Variants in TNIK observed in about 807,000 individuals in gnomAD.
TNIK encodes the protein TRAF2 and NCK interacting kinase, also known as TRAF2 and NCK-interacting protein kinase.
Under a neutral mutation model 191.3 loss-of-function variants are expected in TNIK, and 49 were observed. The observed-to-expected ratio is 0.26, with a 90% CI of 0.20 to 0.32. The LOEUF is 0.32. TNIK is among the 10% of genes least tolerant of loss of function. The pLI, the probability that TNIK is intolerant of heterozygous loss-of-function variation, is 1.00. For missense variants in TNIK, 1,155 were observed against 1,702.3 expected (o/e 0.68, Z 5.66); for synonymous variants, 594 against 600.9 (o/e 0.99, Z 0.17).
At chr3:171,067,672 CAAA>C (rs750331814) in intron 30 of TNIK, among the ~76,000 whole-genome samples, 105 of 78,700 alleles carry the variant, frequency 1.3e-3, no homozygotes, top group African/African-American at 3.3e-3. Context: ...ACTCCGTATC[CAAA>C]AAAAAAAAAA....
intron 2 of TNIK, among the ~76,000 whole-genome samples, chr3:171,311,666 G>A (rs939851033): frequency 1.3e-5 from 2 of 152,130 alleles, no homozygotes; most frequent in Admixed American, 6.5e-5. Context: ...CATGTCACCT[G>A]AGCCCAACTA....
intron 3 of TNIK, among the ~76,000 whole-genome samples, chr3:171,218,607 A>G (rs1741759410): frequency 6.6e-6 from 1 of 150,814 alleles, no homozygotes; most frequent in South Asian, 2.1e-4. Context: ...TGGGAAAAAT[A>G]ACTAGCAAGT....
chr3:171,138,154 C>A, intron 15 of TNIK, 37 bp downstream of exon 15: 2 of 1,510,378 alleles, frequency 1.3e-6, no homozygotes, highest in South Asian at 1.4e-5. Context: ...GAGTCAAAAG[C>A]CTGGCCAACA....
intron 2 of TNIK, among the ~76,000 whole-genome samples, chr3:171,321,670 C>A (rs1755176141): frequency 6.6e-6 from 1 of 152,056 alleles, no homozygotes; most frequent in South Asian, 2.1e-4. Context: ...AGGAAAACAG[C>A]CTATTATGTT....
chr3:171,425,200 T>A (rs533101451), intron 1 of TNIK, among the ~76,000 whole-genome samples: 164 of 152,268 alleles, frequency 1.1e-3, no homozygotes, highest in African/African-American at 3.9e-3. Flanking sequence ...TGTCCAAATA[T>A]CAAAAGCCAC....
At chr3:171,197,293 A>G (rs987796708) in intron 4 of TNIK, among the ~76,000 whole-genome samples, 1 of 152,190 alleles carries the variant, frequency 6.6e-6, no homozygotes, top group African/African-American at 2.4e-5. Context: ...TAACACTATC[A>G]AACTTTCAGG....
intron 12 of TNIK, among the ~76,000 whole-genome samples, chr3:171,151,169 AG>A: frequency 6.6e-6 from 1 of 152,366 alleles, no homozygotes; most frequent in Non-Finnish European, 1.5e-5. Flanking sequence ...AATTTGCCAA[AG>A]ACCACACAGC....
chr3:171,167,067 G>T, intron 10 of TNIK, 28 bp downstream of exon 10: 1 of 1,598,930 alleles, frequency 6.3e-7, no homozygotes, highest in Non-Finnish European at 8.5e-7. Context: ...TTTTGTTTCT[G>T]CTGCTGAAAT....
chr3:171,170,131 T>C (rs1318918415), intron 9 of TNIK, among the ~76,000 whole-genome samples: 1 of 152,242 alleles, frequency 6.6e-6, no homozygotes, highest in East Asian at 1.9e-4. Flanking sequence ...TCTCTGCTGA[T>C]AGTAATGTAG....
chr3:171,167,429 G>C (rs1734746549), intron 9 of TNIK, among the ~76,000 whole-genome samples, 159 bp from the exon 10 acceptor site: 1 of 152,186 alleles, frequency 6.6e-6, no homozygotes, highest in Non-Finnish European at 1.5e-5. Context: ...ACTATATTAG[G>C]CATAATGGGT....
chr3:171,401,799 C>T (rs1384574821), intron 1 of TNIK, among the ~76,000 whole-genome samples: 1 of 152,138 alleles, frequency 6.6e-6, no homozygotes, highest in African/African-American at 2.4e-5. Flanking sequence ...TAATATCAAC[C>T]TCATAGGGCT....
intron 1 of TNIK, among the ~76,000 whole-genome samples, chr3:171,415,647 AC>A (rs1722949758): frequency 6.6e-6 from 1 of 152,274 alleles, no homozygotes; most frequent in Middle Eastern, 3.4e-3. Context: ...AACAACTGTT[AC>A]AATAGTTACA....
chr3:171,077,996 G>C (rs1720206738), intron 28 of TNIK, among the ~76,000 whole-genome samples: 1 of 152,056 alleles, frequency 6.6e-6, no homozygotes, highest in Non-Finnish European at 1.5e-5. Context: ...TGTCTTTTAA[G>C]CTTCTATATT....
intron 17 of TNIK, among the ~76,000 whole-genome samples, chr3:171,125,651 T>G (rs1728358913): frequency 6.6e-6 from 1 of 152,238 alleles, no homozygotes; most frequent in Non-Finnish European, 1.5e-5. Context: ...GAATACTTGG[T>G]GTTGAGAGTT....
chr3:171,274,131 G>C (rs920522752), intron 2 of TNIK, among the ~76,000 whole-genome samples: 1 of 152,148 alleles, frequency 6.6e-6, no homozygotes, highest in Non-Finnish European at 1.5e-5. Context: ...CTATCCCAGA[G>C]GAAGACCAAC....
intron 22 of TNIK, among the ~76,000 whole-genome samples, chr3:171,099,115 G>A (rs1029461141): frequency 6.6e-6 from 1 of 151,930 alleles, no homozygotes; most frequent in African/African-American, 2.4e-5. Context: ...TAGTAATAGC[G>A]CCTCTGAATT....
At chr3:171,342,105 C>T (rs1757592431) in intron 2 of TNIK, among the ~76,000 whole-genome samples, 1 of 152,172 alleles carries the variant, frequency 6.6e-6, no homozygotes, top group African/African-American at 2.4e-5. Flanking sequence ...TTATGTTACT[C>T]ATATAAATTA....
At position 171,236,876 on chromosome 3, in the gene TNIK, A is replaced by G. The variant is rs145077903; in HGVS notation, c.124-8655T>C. On this transcript the variant is annotated intron_variant, in intron 2 of 32. Transcript: ENST00000436636. ...TGGCCCCTATTGTCTGAGATTTACA[A>G]CCAGGTGATTGGGAGTGGGCAGGGT... is the stretch of plus-strand genomic sequence containing the variant. Among the ~76,000 whole-genome samples the G allele has an allele frequency of 7.9e-5, 12 of 152,230 alleles. No individual in the cohort carries two copies. In the East Asian group the frequency reaches 2.3e-3, roughly 29 times the overall value.
intron 2 of TNIK, among the ~76,000 whole-genome samples, chr3:171,251,491 C>T (rs898171672): frequency 6.6e-6 from 1 of 152,184 alleles, no homozygotes; most frequent in African/African-American, 2.4e-5. Context: ...ATGAGTTCCT[C>T]TGTCCTGGGC....
Sources: gnomAD v4.1 joint callset for allele counts (sites outside exome capture counted in the v4.1 genomes callset) on GRCh38, gnomAD v4.1.1 for gene constraint, MANE v1.5 for transcripts, NCBI Gene and HGNC (gene_info 2026-07-23, HGNC 2026-07-21) for gene names.